IFT122: variants seen among roughly 807,000 people sequenced by gnomAD.
IFT122 encodes the protein intraflagellar transport protein 122 homolog.
Under a neutral mutation model 161.6 loss-of-function variants are expected in IFT122, and 118 were observed. That is an observed-to-expected ratio of 0.73 (90% CI 0.63 to 0.85). The LOEUF is 0.85. IFT122 is among the 40% of genes least tolerant of loss of function. IFT122 has a pLI of 0.00. For missense variants in IFT122, 1,381 were observed against 1,579.6 expected, an observed-to-expected ratio of 0.87 and a Z score of 2.13; for synonymous variants, 550 against 602.4, an observed-to-expected ratio of 0.91 and a Z score of 1.27.
chr3:129,495,299 G>C (rs2080703742), intron 17 of IFT122, 147 bp from the exon 18 acceptor site: 1 of 1,107,304 alleles, frequency 9.0e-7, no homozygotes. Context: ...GGGAACCTAG[G>C]GGAGAGAGAC....
intron 29 of IFT122, 122 bp from the exon 30 acceptor site, chr3:129,520,054 T>G (rs2084560681): frequency 1.3e-6 from 1 of 798,220 alleles, no homozygotes. Flanking sequence ...GTGCTGCAGG[T>G]CTGTGTCCAG....
intron 27 of IFT122, among the ~76,000 whole-genome samples, chr3:129,518,147 C>T (rs896775349): frequency 1.3e-5 from 2 of 152,196 alleles, no homozygotes; most frequent in Non-Finnish European, 2.9e-5. Context: ...CCCGTGGTGC[C>T]CCCATAACAC....
At chr3:129,477,075 T>C (rs1414699206) in intron 11 of IFT122, among the ~76,000 whole-genome samples, 1 of 152,038 alleles carries the variant, frequency 6.6e-6, no homozygotes, top group Non-Finnish European at 1.5e-5. Flanking sequence ...GTACATGAAT[T>C]TCCTTAGTGA....
At chr3:129,440,496 C>T (rs557285069) in intron 1 of IFT122, 125 bp downstream of exon 1, 1 of 1,161,866 alleles carries the variant, frequency 8.6e-7, no homozygotes, top group South Asian at 1.3e-5. Context: ...TGAACCCCGG[C>T]CTGGGAGACT....
rs2081729923 is a variant in IFT122, at chr3:129,502,765, G to A, written c.2430G>A (p.Leu810=). 6.2e-7 allele frequency: 1 copy of A among 1,612,286 alleles called. No homozygotes were observed. Among genetic ancestry groups the A allele is most frequent in the African/African-American group, 1.3e-5 (1 of 74,948 alleles). The part of the protein sequence containing the change: ...LDKAEREPLL[L]CATYLKKLDS... ...AGGCTGAGCGCGAGCCCCTGCTGCT[G>A]TGCGCTACCTACCTCAAGAAGCTGG... The change falls in exon 20 of 30, where the codon CTG becomes CTA. Residue 810 remains leucine (L), a synonymous_variant. Coordinates refer to ENST00000348417, the MANE Select transcript of IFT122 (RefSeq NM_052989.3).
At chr3:129,493,970 C>T (rs1050353410) in intron 17 of IFT122, among the ~76,000 whole-genome samples, 1 of 152,202 alleles carries the variant, frequency 6.6e-6, no homozygotes, top group African/African-American at 2.4e-5. Context: ...TATCGACTGC[C>T]TGCAGACTTA....
chr3:129,504,661 C>G (rs1305233776), intron 21 of IFT122, among the ~76,000 whole-genome samples: 1 of 152,232 alleles, frequency 6.6e-6, no homozygotes, highest in African/African-American at 2.4e-5. Context: ...GCTGCCTCCT[C>G]TCCAAGCCTC....
At chr3:129,456,569 G>A (rs571664093) in intron 3 of IFT122, among the ~76,000 whole-genome samples, 97 of 152,162 alleles carry the variant, frequency 6.4e-4, no homozygotes, top group African/African-American at 2.1e-3. Context: ...CCTGGGAGGC[G>A]GAGATTGCAG....
intron 7 of IFT122, among the ~76,000 whole-genome samples, chr3:129,465,908 C>CT (rs1457337071): frequency 2.1e-5 from 2 of 93,296 alleles, no homozygotes; most frequent in Non-Finnish European, 3.6e-5. Flanking sequence ...TCCCAAAGTG[C>CT]TGGGATTACA....
chr3:129,458,705 G>C lies in IFT122; in HGVS notation c.272+28G>C, dbSNP rs370660486. On this transcript the variant is annotated intron_variant, in intron 4 of 29. Transcript: ENST00000348417. ...AAGTAACTTAGGTGTACAGTATTAT[G>C]AGTTTGATGCTTATTGAATAATTGC... 6.1e-6 allele frequency: 9 copies of C among 1,486,732 alleles called. No individual in the cohort carries two copies. In the Admixed American group the frequency reaches 1.2e-4, roughly 19 times the overall value. 92.1% of individuals were successfully genotyped at this position (1,486,732 alleles called of 1,614,324 possible). A position where few individuals can be genotyped will look rare whatever the true frequency, so the allele number is the denominator to read the frequency against.
At chr3:129,514,603 C>T (rs1451418668) in intron 25 of IFT122, 49 bp downstream of exon 25, 1 of 1,598,024 alleles carries the variant, frequency 6.3e-7, no homozygotes, top group African/African-American at 1.3e-5. Flanking sequence ...TCCCTTGAGG[C>T]CATCTCATGC....
chr3:129,450,789 C>G (rs1162975209), intron 2 of IFT122, among the ~76,000 whole-genome samples: 3 of 143,208 alleles, frequency 2.1e-5, no homozygotes, highest in African/African-American at 5.3e-5. Context: ...GACGCGATCT[C>G]GGCTTACTGC....
intron 23 of IFT122, among the ~76,000 whole-genome samples, chr3:129,509,649 G>T (rs888633405): frequency 1.3e-5 from 2 of 152,198 alleles, no homozygotes. Context: ...AGAAATGCCC[G>T]TTGAAATGAT....
At position 129,520,344 on chromosome 3, in the gene IFT122, T is replaced by G. The variant is rs1224489224; in HGVS notation, c.*79T>G. 7.3e-6 allele frequency: 8 copies of G among 1,091,600 alleles called. No individual in the cohort carries two copies. Among genetic ancestry groups the G allele is most frequent in the Admixed American group, 2.0e-5 (1 of 50,794 alleles). The allele number at this position is 1,091,600 out of a possible 1,614,324, so 67.6% of individuals were successfully genotyped here. A position where few individuals can be genotyped will look rare whatever the true frequency, so the allele number is the denominator to read the frequency against. On this transcript the variant is annotated 3_prime_UTR_variant, in exon 30 of 30. Transcript: ENST00000348417. ...TGTGAAGGAGAATAAAGAGTTAAAC[T>G]GTCAGAATGTGTTTCTTGCCCAGAT...
rs116884970 is a variant in IFT122 at position 129,460,851 on chromosome 3, C to T, written c.273-377C>T. ...GTTGTCTAAGGATTTGTCATGTTTC[C>T]AGATCTTGGTCTGTGATGTCTTCAT... On this transcript the variant is annotated intron_variant, in intron 4 of 29. Transcript: ENST00000348417. 8.1e-6 allele frequency: 13 copies of T among 1,612,638 alleles called. No homozygotes were observed. In the East Asian group the frequency reaches 2.5e-4, roughly 30 times the overall value.
intron 8 of IFT122, among the ~76,000 whole-genome samples, 172 bp from the exon 9 acceptor site, chr3:129,469,170 G>A (rs77227277): frequency 2.0e-5 from 3 of 152,304 alleles, no homozygotes; most frequent in East Asian, 1.9e-4. Context: ...GCTTCATCCC[G>A]TAAGACTGAT....
At position 129,520,218 on chromosome 3, in the gene IFT122, G is replaced by T. The variant is rs755562343; in HGVS notation, c.3679G>T (p.Gly1227Cys). The part of the protein sequence containing the change: ...EDYELLVLQH[G>C]CCPYCRRCKD... ...CTATGAGTTGCTGGTGCTTCAGCATGGCTGCTGCCCCTACTGCCGCAGGTG... is the reference window on the plus strand; with the variant it reads ...CTATGAGTTGCTGGTGCTTCAGCATTGCTGCTGCCCCTACTGCCGCAGGTG... Residue 1227 changes from glycine to cysteine, a missense_variant, in exon 30 of 30, where the codon GGC becomes TGC. This residue lies in a region of IFT122 where 177 missense variants were observed against 199.2 expected (regional missense o/e 0.89). Transcript: ENST00000348417. 7.4e-6 allele frequency: 12 copies of T among 1,611,996 alleles called. No individual in the cohort carries two copies. Among genetic ancestry groups the T allele is most frequent in the Non-Finnish European group, 1.0e-5 (12 of 1,179,972 alleles).
In IFT122 at chr3:129,499,934, A is replaced by G; in HGVS notation, c.2241A>G (p.Thr747=). 1 of 1,614,242 alleles carries G rather than the reference A, an allele frequency of 6.2e-7. No individual in the cohort carries two copies. The highest frequency in any genetic ancestry group is 8.5e-7 in the Non-Finnish European group (1 of 1,180,042). ...TTGGATCTGGAGACCCCAAAGAAAC[A>G]AAGATGCTAATCACCAAACAGGCTG... ...DFLGSGDPKE[T]KMLITKQADW... The change falls in exon 19 of 30, where the codon ACA becomes ACG. Residue 747 remains threonine (T), a synonymous_variant. Coordinates refer to ENST00000348417, the MANE Select transcript of IFT122 (RefSeq NM_052989.3).
Position 129,509,138 on chromosome 3 carries a change from C to T in IFT122, c.2886+1376C>T, listed in dbSNP as rs530094100. On this transcript the variant is annotated intron_variant, in intron 23 of 29. Transcript: ENST00000348417. ...GTAAAGTCCACTTTTTGTCACACCT[C>T]ACATCTGATTGAGAAATGTTTTGTT... Among the ~76,000 whole-genome samples, 11 of 152,320 alleles carry T rather than the reference C, an allele frequency of 7.2e-5. No homozygotes were observed. In the South Asian group the frequency reaches 2.3e-3, roughly 32 times the overall value.
Sources: allele counts gnomAD v4.1 joint callset (sites outside exome capture counted in the v4.1 genomes callset), GRCh38; gene constraint gnomAD v4.1.1; regional missense constraint gnomAD v4.1.1; transcripts MANE v1.5; gene names NCBI Gene and HGNC (gene_info 2026-07-23, HGNC 2026-07-21).